TNRC6C: variants seen among roughly 807,000 people sequenced by gnomAD.
TNRC6C encodes the protein trinucleotide repeat containing adaptor 6C.
A neutral mutation model predicts 153.7 loss-of-function variants in TNRC6C; 20 were observed. The ratio of observed to expected loss-of-function variants is 0.13; its 90% CI spans 0.09 to 0.19. TNRC6C has a LOEUF of 0.19. TNRC6C is among the 10% of genes least tolerant of loss of function. The pLI, the probability that TNRC6C is intolerant of heterozygous loss-of-function variation, is 1.00. For missense variants in TNRC6C, 1,987 were observed against 2,172.0 expected (o/e 0.91, Z 1.69); for synonymous variants, 811 against 841.4 (o/e 0.96, Z 0.63).
At chr17:78,029,808 GACACACACACACAC>G (rs57924935) in intron 1 of TNRC6C, among the ~76,000 whole-genome samples, 1 of 146,258 alleles carries the variant, frequency 6.8e-6, no homozygotes, top group Admixed American at 6.8e-5. Flanking sequence ...TAAAAACCTA[GACACACACACACAC>G]ACACACACAC....
chr17:78,105,405 C>G (rs1269266940), exon 20 of TNRC6C: 5 of 152,314 alleles, frequency 3.3e-5, no homozygotes, highest in Non-Finnish European at 5.9e-5. Flanking sequence ...GCACATTACC[C>G]TTGTTTCATT....
intron 10 of TNRC6C, 111 bp from the exon 13 acceptor site, chr17:78,082,936 G>A (rs935317708): frequency 7.0e-6 from 9 of 1,279,444 alleles, no homozygotes; most frequent in Non-Finnish European, 9.6e-6. Flanking sequence ...AGTTTCAGGG[G>A]GTCTCCCTAC....
intron 1 of TNRC6C, among the ~76,000 whole-genome samples, chr17:77,980,316 A>G (rs1325646127): frequency 6.6e-6 from 1 of 152,234 alleles, no homozygotes; most frequent in Non-Finnish European, 1.5e-5. Flanking sequence ...ACAGCAACAC[A>G]GAAAGCTGGA....
chr17:78,095,338 AAGG>A (rs1441459406), intron 16 of TNRC6C, among the ~76,000 whole-genome samples: 3 of 152,202 alleles, frequency 2.0e-5, no homozygotes, highest in Non-Finnish European at 2.9e-5. Context: ...CTGCCCAGTT[AAGG>A]AGATCAACTT....
chr17:77,976,431 GATGATCA>G (rs1206940378), intron 1 of TNRC6C, among the ~76,000 whole-genome samples: 1 of 152,230 alleles, frequency 6.6e-6, no homozygotes, highest in African/African-American at 2.4e-5. Context: ...TTGTTCTTGT[GATGATCA>G]GATTGTCAGT....
At chr17:78,078,389 A>G (rs1258958364) in intron 9 of TNRC6C, among the ~76,000 whole-genome samples, 1 of 152,326 alleles carries the variant, frequency 6.6e-6, no homozygotes, top group East Asian at 1.9e-4. Flanking sequence ...TACAGCTACA[A>G]TATCTTTATC....
At chr17:78,048,742 T>A in intron 2 of TNRC6C, 103 bp from the exon 5 acceptor site, 1 of 1,115,168 alleles carries the variant, frequency 9.0e-7, no homozygotes, top group Non-Finnish European at 1.1e-6. Flanking sequence ...TCATTCAGAT[T>A]TGAAGACTTG....
At chr17:78,047,230 T>C (rs1191044010) in intron 2 of TNRC6C, among the ~76,000 whole-genome samples, 8 of 152,230 alleles carry the variant, frequency 5.3e-5, no homozygotes. Context: ...GAATGGCTTA[T>C]TTATCTCTTT....
At chr17:77,968,287 C>T (rs1299140626) in intron 1 of TNRC6C, among the ~76,000 whole-genome samples, 2 of 151,904 alleles carry the variant, frequency 1.3e-5, no homozygotes, top group Admixed American at 1.3e-4. Flanking sequence ...CCACCTCGGC[C>T]TCCCAAAGCA....
upstream of TNRC6C, among the ~76,000 whole-genome samples, chr17:77,958,391 CCGGCCACT>C (rs1460527378): frequency 6.6e-6 from 1 of 152,026 alleles, no homozygotes; most frequent in East Asian, 1.9e-4. Context: ...GGCGCGCGTC[CCGGCCACT>C]CGGAGCGCGC....
rs138858193 is a variant in TNRC6C, at chr17:78,065,020, A to G, written c.2611+83A>G. ...GAATTTTAAAGATTAGAGTTTTAGG[A>G]TACTTTCCTCATTATATTTACACTT... On this transcript the variant is annotated intron_variant, in intron 4 of 19. Coordinates refer to ENST00000301624, the Ensembl canonical transcript of TNRC6C. 1,203 of 1,425,002 alleles carry G rather than the reference A, an allele frequency of 8.4e-4. 2 individuals are homozygous for G. The highest frequency in any genetic ancestry group is 1.3e-3 in the Admixed American group (57 of 42,238). 88.3% of individuals were successfully genotyped at this position (1,425,002 alleles called of 1,614,324 possible). A position where few individuals can be genotyped will look rare whatever the true frequency, so the allele number is the denominator to read the frequency against.
At chr17:77,984,248 C>T (rs540947987) in intron 1 of TNRC6C, among the ~76,000 whole-genome samples, 22 of 151,824 alleles carry the variant, frequency 1.4e-4, no homozygotes, top group South Asian at 4.2e-4. Context: ...CAGCCAGGCA[C>T]GGTGGCTCAC....
chr17:78,085,849 T>G (rs917910957), intron 11 of TNRC6C, among the ~76,000 whole-genome samples: 8 of 152,046 alleles, frequency 5.3e-5, no homozygotes, highest in African/African-American at 9.7e-5. Context: ...TTTGTTTTTT[T>G]TTTTTAAGTT....
intron 2 of TNRC6C, among the ~76,000 whole-genome samples, chr17:78,046,384 GC>G (rs2072410877): frequency 6.6e-6 from 1 of 151,958 alleles, no homozygotes. Context: ...CACCATGTTG[GC>G]CAGGCTGGTC....
intron 18 of TNRC6C, 79 bp from the exon 22 acceptor site, chr17:78,103,335 C>T: frequency 6.5e-7 from 1 of 1,540,876 alleles, no homozygotes; most frequent in Non-Finnish European, 8.9e-7. Context: ...TATCCAATTT[C>T]ATACGTTTTT....
intron 2 of TNRC6C, 130 bp from the exon 5 acceptor site, chr17:78,048,715 C>G: frequency 1.1e-6 from 1 of 928,876 alleles, no homozygotes; most frequent in Non-Finnish European, 1.4e-6. Flanking sequence ...TTCTTTAAGT[C>G]ATTTTTTTAG....
At chr17:77,958,410 ACCGCTCGCACCCCGGCGC>A (rs2070827975), upstream of TNRC6C, among the ~76,000 whole-genome samples, 1 of 151,570 alleles carries the variant, frequency 6.6e-6, no homozygotes, top group African/African-American at 2.4e-5. Flanking sequence ...CGGAGCGCGC[ACCGCTCGCACCCCGGCGC>A]GCTCCCCGCG....
At chr17:78,107,312 CTG>C (rs1333990049) in exon 20 of TNRC6C, 2 of 152,020 alleles carry the variant, frequency 1.3e-5, no homozygotes, top group South Asian at 4.1e-4. Flanking sequence ...CTTAATATGT[CTG>C]TAACTCTGAG....
chr17:78,052,583 G>C (rs1025962887), intron 3 of TNRC6C, among the ~76,000 whole-genome samples: 2 of 152,198 alleles, frequency 1.3e-5, no homozygotes, highest in South Asian at 4.1e-4. Flanking sequence ...TGGAGTTGGG[G>C]AATCACCATC....
Sources: allele counts gnomAD v4.1 joint callset (sites outside exome capture counted in the v4.1 genomes callset), GRCh38; gene constraint gnomAD v4.1.1; transcripts MANE v1.5; gene names NCBI Gene and HGNC (gene_info 2026-07-23, HGNC 2026-07-21).